Variants in DNAH14 observed in about 807,000 individuals in gnomAD.
DNAH14 encodes dynein axonemal heavy chain 14.
DNAH14 carries 478 observed loss-of-function variants against 520.9 expected under a neutral mutation model. The ratio of observed to expected loss-of-function variants is 0.92; its 90% CI spans 0.85 to 0.99. The LOEUF (loss-of-function observed/expected upper bound fraction) is 0.99, where lower values mean the gene tolerates loss of function less well. DNAH14 is among the 50% of genes least tolerant of loss of function. DNAH14 has a pLI of 0.00. For synonymous variants in DNAH14, 1,581 were observed against 1,757.2 expected, an observed-to-expected ratio of 0.90 and a Z score of 2.51; for missense variants, 4,831 against 5,234.5, an observed-to-expected ratio of 0.92 and a Z score of 2.38.
chr1:225,290,655 A>ATGTGTATG (rs1558282480), intron 55 of DNAH14, among the ~76,000 whole-genome samples: 3 of 45,890 alleles, frequency 6.5e-5, no homozygotes, highest in Admixed American at 2.1e-4. Flanking sequence ...GTGTATATAT[A>ATGTGTATG]TATATATATA....
chr1:225,361,345 G>T (rs1429878859), intron 75 of DNAH14, among the ~76,000 whole-genome samples: 1 of 152,116 alleles, frequency 6.6e-6, no homozygotes, highest in Non-Finnish European at 1.5e-5. Flanking sequence ...TTTCTAGGCT[G>T]TACCTCCCAA....
Position 224,961,726 on chromosome 1 carries a change from T to C in DNAH14, c.367+1424T>C, listed in dbSNP as rs180997541. Reference sequence around the variant, plus strand: ...ATTACAATTCAAGGTGACATTTGGGTGAGGACACAGAGCCAAACCATATTA... The same window carrying C: ...ATTACAATTCAAGGTGACATTTGGGCGAGGACACAGAGCCAAACCATATTA... On this transcript the variant is annotated intron_variant, in intron 4 of 85. Coordinates refer to ENST00000682510, the MANE Select transcript of DNAH14 (RefSeq NM_001367479.1). Among the ~76,000 whole-genome samples the C allele has an allele frequency of 4.2e-3, 644 of 152,236 alleles. 4 individuals are homozygous for C. The highest frequency in any genetic ancestry group is 0.015 in the African/African-American group (613 of 41,556).
chr1:224,981,464 G>A (rs1443455598), intron 8 of DNAH14, among the ~76,000 whole-genome samples: 2 of 152,016 alleles, frequency 1.3e-5, no homozygotes, highest in Non-Finnish European at 2.9e-5. Context: ...CAATCTCGCT[G>A]CTTGTTATTG....
At chr1:225,139,919 AT>A (rs2079279850) in intron 27 of DNAH14, among the ~76,000 whole-genome samples, 1 of 152,214 alleles carries the variant, frequency 6.6e-6, no homozygotes, top group Non-Finnish European at 1.5e-5. Flanking sequence ...TGATCTGCTC[AT>A]CATGAGCTTG....
chr1:225,154,752 CTTTTTTCTTG>C (rs1260353811), intron 34 of DNAH14, among the ~76,000 whole-genome samples: 1 of 151,758 alleles, frequency 6.6e-6, no homozygotes, highest in Non-Finnish European at 1.5e-5. Context: ...AACATATGTC[CTTTTTTCTTG>C]GAGTACGGAA....
chr1:225,134,783 G>A (rs2078807288), intron 27 of DNAH14, among the ~76,000 whole-genome samples: 1 of 152,102 alleles, frequency 6.6e-6, no homozygotes, highest in Non-Finnish European at 1.5e-5. Flanking sequence ...TTTTGGAATG[G>A]TTTCAGTAGA....
intron 83 of DNAH14, among the ~76,000 whole-genome samples, chr1:225,391,815 G>A (rs2095917643): frequency 6.6e-6 from 1 of 152,020 alleles, no homozygotes; most frequent in South Asian, 2.1e-4. Context: ...ATGCACCCAG[G>A]GGGAAACATG....
At chr1:225,276,562 T>A (rs2093472854) in intron 53 of DNAH14, among the ~76,000 whole-genome samples, 1 of 152,122 alleles carries the variant, frequency 6.6e-6, no homozygotes, top group South Asian at 2.1e-4. Context: ...TCTGCATCTC[T>A]TTCTCCTACC....
chr1:225,272,986 CTGT>C lies in DNAH14; in HGVS notation c.7876_7878del (p.Val2626del). Reference sequence around the variant, plus strand: ...CTAGGATTGCTGCAAGCTGACAGGACTGTTGTTAACTCCAAAGAGATGGCTGCT... The same window carrying C: ...CTAGGATTGCTGCAAGCTGACAGGACTGTTAACTCCAAAGAGATGGCTGCT... On this transcript the variant is annotated inframe_deletion, in exon 52 of 86. Coordinates refer to ENST00000682510, the MANE Select transcript of DNAH14 (RefSeq NM_001367479.1). 2.6e-6 allele frequency: 4 copies of C among 1,547,480 alleles called. No individual in the cohort carries two copies. Among genetic ancestry groups the C allele is most frequent in the African/African-American group, 1.4e-5 (1 of 72,734 alleles).
chr1:225,326,215 A>C (rs138338513), intron 64 of DNAH14, among the ~76,000 whole-genome samples: 13 of 152,342 alleles, frequency 8.5e-5, no homozygotes, highest in African/African-American at 3.1e-4. Flanking sequence ...AGATTTAGTA[A>C]ATTTGTTCAA....
intron 16 of DNAH14, 99 bp from the exon 17 acceptor site, chr1:225,051,352 C>A: frequency 1.2e-6 from 1 of 832,016 alleles, no homozygotes; most frequent in Non-Finnish European, 1.8e-6. Context: ...CTCCACATAG[C>A]ACTATTATTT....
chr1:224,935,183 A>C (rs1571857092), intron 1 of DNAH14, among the ~76,000 whole-genome samples: 1 of 151,874 alleles, frequency 6.6e-6, no homozygotes, highest in East Asian at 1.9e-4. Context: ...AAAGGAACAA[A>C]GAATATATAA....
intron 8 of DNAH14, among the ~76,000 whole-genome samples, chr1:224,981,877 T>C (rs2062294475): frequency 6.6e-6 from 1 of 152,148 alleles, no homozygotes. Flanking sequence ...AAGGGAAATA[T>C]TAGGGAAAGT....
intron 8 of DNAH14, among the ~76,000 whole-genome samples, chr1:224,977,365 T>A (rs1226262903): frequency 4.0e-5 from 6 of 151,406 alleles, no homozygotes; most frequent in African/African-American, 7.3e-5. Context: ...AAGGGATAGC[T>A]TTAGGAGATA....
chr1:224,973,681 T>C (rs898762422), intron 7 of DNAH14, among the ~76,000 whole-genome samples: 1 of 152,220 alleles, frequency 6.6e-6, no homozygotes, highest in African/African-American at 2.4e-5. Context: ...ATTGCCTTAA[T>C]TTTTTACTTA....
At chr1:225,269,988 T>C (rs1161135232) in intron 49 of DNAH14, among the ~76,000 whole-genome samples, 2 of 152,144 alleles carry the variant, frequency 1.3e-5, no homozygotes, top group Non-Finnish European at 2.9e-5. Flanking sequence ...ACTCAAAGGA[T>C]TATAAATCAT....
At chr1:225,170,361 T>C (rs2082487630) in intron 36 of DNAH14, among the ~76,000 whole-genome samples, 1 of 152,128 alleles carries the variant, frequency 6.6e-6, no homozygotes, top group Non-Finnish European at 1.5e-5. Context: ...CAGTGTGCTG[T>C]ATTCAGGAGA....
At chr1:225,187,812 G>A (rs796319376) in intron 37 of DNAH14, among the ~76,000 whole-genome samples, 17 of 151,868 alleles carry the variant, frequency 1.1e-4, no homozygotes, top group African/African-American at 4.1e-4. Context: ...TTGTTCAGTT[G>A]TGAGAGTTCT....
At chr1:225,390,073 G>A (rs938132711) in intron 83 of DNAH14, among the ~76,000 whole-genome samples, 200 bp downstream of exon 83, 5 of 151,808 alleles carry the variant, frequency 3.3e-5, no homozygotes, top group African/African-American at 1.2e-4. Context: ...CTCCTCACAT[G>A]CCAAATCCAC....
Sources: allele counts gnomAD v4.1 joint callset (sites outside exome capture counted in the v4.1 genomes callset), GRCh38; gene constraint gnomAD v4.1.1; transcripts MANE v1.5; gene names NCBI Gene and HGNC (gene_info 2026-07-23, HGNC 2026-07-21).